The following TRAPPC8 variants were observed in gnomAD, a reference collection of about 807,000 sequenced individuals.
TRAPPC8 encodes the protein trafficking protein particle complex subunit 8.
TRAPPC8 carries 54 observed loss-of-function variants against 174.3 expected under a neutral mutation model. That is an observed-to-expected ratio of 0.31 (90% CI 0.25 to 0.39). TRAPPC8 has a LOEUF of 0.39. TRAPPC8 is among the 10% of genes least tolerant of loss of function. The pLI, the probability that TRAPPC8 is intolerant of heterozygous loss-of-function variation, is 1.00. For synonymous variants in TRAPPC8, 630 were observed against 579.9 expected, an observed-to-expected ratio of 1.09 and a Z score of -1.24; for missense variants, 1,531 against 1,699.1, an observed-to-expected ratio of 0.90 and a Z score of 1.74.
At chr18:31,934,868 C>T (rs9950021) in intron 1 of TRAPPC8, among the ~76,000 whole-genome samples, 2,268 of 151,264 alleles carry the variant, frequency 0.015, 55 homozygotes, top group African/African-American at 0.052. Context: ...GATCACACTA[C>T]TGCACTCCAG....
chr18:31,920,557 T>C (rs559122376), intron 2 of TRAPPC8, among the ~76,000 whole-genome samples: 3 of 152,010 alleles, frequency 2.0e-5, no homozygotes, highest in Non-Finnish European at 2.9e-5. Flanking sequence ...TCCTAGCACT[T>C]TGGGAGGCTG....
chr18:31,864,043 AAATATAT>A (rs1336418822), intron 19 of TRAPPC8, among the ~76,000 whole-genome samples: 2 of 147,954 alleles, frequency 1.4e-5, no homozygotes, highest in Non-Finnish European at 3.0e-5. Context: ...ATAAAATATA[AAATATAT>A]ATTTATATTA....
At chr18:31,841,944 C>T (rs117133851) in intron 26 of TRAPPC8, among the ~76,000 whole-genome samples, 4,892 of 152,226 alleles carry the variant, frequency 0.032, 123 homozygotes, top group Non-Finnish European at 0.052. Context: ...CTATGTTACC[C>T]AAGCTGGTCT....
chr18:31,852,399 C>T (rs775904944), intron 24 of TRAPPC8, 47 bp downstream of exon 24: 2 of 1,593,538 alleles, frequency 1.3e-6, no homozygotes, highest in South Asian at 2.3e-5. Context: ...CCCAGATATG[C>T]TATAACTATG....
At chr18:31,913,592 G>T in intron 4 of TRAPPC8, 70 bp from the exon 5 acceptor site, 1 of 1,195,370 alleles carries the variant, frequency 8.4e-7, no homozygotes, top group South Asian at 1.9e-5. Flanking sequence ...AGAGACTAAA[G>T]TAGTACAAAA....
chr18:31,860,824 A>G (rs547132059), intron 19 of TRAPPC8, among the ~76,000 whole-genome samples: 1 of 152,194 alleles, frequency 6.6e-6, no homozygotes, highest in South Asian at 2.1e-4. Context: ...GGCTTTCTGT[A>G]ATGCCCATCA....
At chr18:31,915,482 G>A (rs7505746) in intron 4 of TRAPPC8, among the ~76,000 whole-genome samples, 1 of 116,914 alleles carries the variant, frequency 8.6e-6, no homozygotes, top group Non-Finnish European at 1.8e-5. Context: ...GGGGGGGGGC[G>A]CAGGCGCAGT....
At chr18:31,927,826 C>G (rs1029627105) in intron 2 of TRAPPC8, among the ~76,000 whole-genome samples, 1 of 152,162 alleles carries the variant, frequency 6.6e-6, no homozygotes, top group Admixed American at 6.5e-5. Context: ...TGAGAGGTGG[C>G]TGCTTGAGGC....
chr18:31,861,981 G>A (rs2034352874), intron 19 of TRAPPC8, among the ~76,000 whole-genome samples: 1 of 148,058 alleles, frequency 6.8e-6, no homozygotes, highest in East Asian at 2.0e-4. Flanking sequence ...ATCAAAGCTA[G>A]CAGCTAGCAC....
intron 27 of TRAPPC8, among the ~76,000 whole-genome samples, chr18:31,833,830 C>T (rs913184722): frequency 2.6e-5 from 4 of 151,654 alleles, no homozygotes; most frequent in Admixed American, 1.3e-4. Context: ...GGTGAAACCC[C>T]GTCTTTACTA....
chr18:31,893,120 C>T (rs534061110), intron 11 of TRAPPC8, among the ~76,000 whole-genome samples: 2 of 151,322 alleles, frequency 1.3e-5, no homozygotes, highest in African/African-American at 4.8e-5. Flanking sequence ...TGTAATTTTC[C>T]TATGAATTGC....
chr18:31,933,986 G>A (rs1051008280), intron 1 of TRAPPC8, among the ~76,000 whole-genome samples: 6 of 151,954 alleles, frequency 3.9e-5, no homozygotes, highest in Non-Finnish European at 7.4e-5. Context: ...TCAGGAGTTC[G>A]AGACCAGCCT....
chr18:31,858,059 T>G, intron 19 of TRAPPC8, 77 bp from the exon 20 acceptor site: 1 of 234,444 alleles, frequency 4.3e-6, no homozygotes, highest in Non-Finnish European at 6.3e-6. Flanking sequence ...TTTAAGACAC[T>G]TTTTTTTTTT....
At chr18:31,889,383 A>G (rs1222813972) in intron 12 of TRAPPC8, among the ~76,000 whole-genome samples, 1 of 152,204 alleles carries the variant, frequency 6.6e-6, no homozygotes, top group Non-Finnish European at 1.5e-5. Flanking sequence ...CACAAATGAA[A>G]CCATTCACAA....
At chr18:31,915,644 CCCAGCACTTTGAGAGG>C (rs1225447570) in intron 4 of TRAPPC8, among the ~76,000 whole-genome samples, 1 of 152,080 alleles carries the variant, frequency 6.6e-6, no homozygotes, top group Non-Finnish European at 1.5e-5. Context: ...CGCCTGTAAT[CCCAGCACTTTGAGAGG>C]CCCAGGCAGG....
intron 7 of TRAPPC8, 95 bp downstream of exon 7, chr18:31,908,659 C>T (rs1343443229): frequency 1.4e-5 from 19 of 1,326,412 alleles, no homozygotes; most frequent in Non-Finnish European, 1.8e-5. Context: ...TATCTTAAAA[C>T]GAAAATAAAA....
In TRAPPC8 at chr18:31,909,695, T is replaced by C. The variant is rs1342726732; in HGVS notation, c.837A>G (p.Ser279=). 2 of 1,601,498 alleles carry C rather than the reference T, an allele frequency of 1.2e-6. No homozygotes were observed. The highest frequency in any genetic ancestry group is 1.7e-6 in the Non-Finnish European group (2 of 1,176,630). The part of the protein sequence containing the change: ...SNKNSDNNLL[S]LDGLDNEVKD... ...TGACTTCGTTATCTAATCCATCCAA[T>C]GAAAGCAAGTTATTATCAGAATTCT... is the stretch of plus-strand genomic sequence containing the variant. Residue 279 remains serine (S), a synonymous_variant, in exon 6 of 29, where the codon TCA becomes TCG. Transcript: ENST00000283351.
intron 20 of TRAPPC8, among the ~76,000 whole-genome samples, chr18:31,856,145 C>T (rs893912630): frequency 1.3e-5 from 2 of 151,736 alleles, no homozygotes; most frequent in Admixed American, 6.6e-5. Flanking sequence ...TGCTTTGTCA[C>T]CCAGGTGGGA....
rs1300212626 is a variant in TRAPPC8, at chr18:31,909,651, G to T, written c.865+16C>A. ...TTTTCAATCAAAAGAGAAACTTAGA[G>T]AAAATATATCAAGACCTTTGACTTC... On this transcript the variant is annotated intron_variant, in intron 6 of 28. Transcript: ENST00000283351. The T allele has an allele frequency of 6.3e-7, 1 of 1,585,274 alleles. No homozygotes were observed. The highest frequency in any genetic ancestry group is 2.3e-5 in the East Asian group (1 of 43,926).
Sources: gnomAD v4.1 joint callset for allele counts (sites outside exome capture counted in the v4.1 genomes callset) on GRCh38, gnomAD v4.1.1 for gene constraint, MANE v1.5 for transcripts, NCBI Gene and HGNC (gene_info 2026-07-23, HGNC 2026-07-21) for gene names.